The following BTBD16 variants were observed in gnomAD, a reference collection of about 807,000 sequenced individuals.
BTBD16 encodes BTB/POZ domain-containing protein 16.
Under a neutral mutation model 67.4 loss-of-function variants are expected in BTBD16, and 66 were observed. The ratio of observed to expected loss-of-function variants is 0.98; its 90% confidence interval spans 0.80 to 1.20. BTBD16 has a LOEUF of 1.20. BTBD16 is among the 50% of genes most tolerant of loss of function. BTBD16 has a pLI of 0.00. For missense variants in BTBD16, 634 were observed against 616.0 expected (o/e 1.03, Z -0.31); for synonymous variants, 242 against 236.4 (o/e 1.02, Z -0.22).
intron 11 of BTBD16, among the ~76,000 whole-genome samples, chr10:122,330,459 G>A (rs1242587329): frequency 6.6e-6 from 1 of 152,150 alleles, no homozygotes; most frequent in East Asian, 1.9e-4. Context: ...AAGGAGGACT[G>A]GTCAAAGCTG....
In BTBD16 at chr10:122,299,157, C is replaced by T. The variant is rs759459217; in HGVS notation, c.791+23C>T. On this transcript the variant is annotated intron_variant, in intron 9 of 15. Coordinates refer to ENST00000260723, the MANE Select transcript of BTBD16 (RefSeq NM_144587.5). ...CAGGTCAGAGCTGGCTCCCAGGGTG[C>T]GGCCCCTGAGAGGGGGATGGGAGAA... 3.5e-5 allele frequency: 57 copies of T among 1,610,506 alleles called. No homozygotes were observed. The Middle Eastern group carries it at 7.2e-4, about 20-fold the overall frequency.
rs2096341638 is a variant in BTBD16 at position 122,276,846 on chromosome 10, C to T, written c.74C>T (p.Pro25Leu). Residue 25 changes from proline to leucine, a missense_variant, in exon 3 of 16, where the codon CCC becomes CTC. Pro to Leu is a moderately conservative substitution (Grantham distance 98, BLOSUM62 -3). Coordinates refer to ENST00000260723, the MANE Select transcript of BTBD16 (RefSeq NM_144587.5). The part of the protein sequence containing the change: ...VTGSTNRWRL[P>L]KQPFSGDLLS... ...GGCTCAACCAACCGGTGGCGTTTGC[C>T]CAAACAGCCTTTCTCTGGGGACCTG... The T allele has an allele frequency of 6.2e-7, 1 of 1,614,108 alleles. No homozygotes were observed. The highest frequency in any genetic ancestry group is 1.1e-5 in the South Asian group (1 of 91,092).
chr10:122,276,176 T>C (rs898672480), intron 2 of BTBD16, among the ~76,000 whole-genome samples: 1 of 152,204 alleles, frequency 6.6e-6, no homozygotes, highest in Non-Finnish European at 1.5e-5. Context: ...TAGGGGCTAA[T>C]CTGAGAAAGC....
chr10:122,297,442 C>A (rs2096385358), intron 7 of BTBD16, among the ~76,000 whole-genome samples: 3 of 152,222 alleles, frequency 2.0e-5, no homozygotes, highest in Non-Finnish European at 4.4e-5. Context: ...AGGGGGATGA[C>A]CAGATGGCTA....
At chr10:122,311,645 C>T (rs73363930) in intron 10 of BTBD16, among the ~76,000 whole-genome samples, 1,838 of 152,250 alleles carry the variant, frequency 0.012, 26 homozygotes, top group African/African-American at 0.039. Context: ...TTTAAAAGAA[C>T]ATTTTAAAAT....
At chr10:122,293,592 C>A (rs1254721824) in intron 7 of BTBD16, among the ~76,000 whole-genome samples, 1 of 152,200 alleles carries the variant, frequency 6.6e-6, no homozygotes, top group East Asian at 1.9e-4. Flanking sequence ...GTCTTAGAAC[C>A]ATCTAAGGAA....
chr10:122,329,701 C>G, intron 11 of BTBD16, 130 bp downstream of exon 11: 1 of 729,848 alleles, frequency 1.4e-6, no homozygotes. Context: ...TTGTCACTTC[C>G]AAGCTGTGTG....
intron 10 of BTBD16, among the ~76,000 whole-genome samples, chr10:122,326,975 A>G (rs7916970): frequency 0.55 from 84,315 of 152,050 alleles, 23,754 homozygotes; most frequent in East Asian, 0.86. Context: ...GCTCCCTCCC[A>G]TCTTACGTGA....
rs750517195 is a variant in BTBD16 at position 122,299,028 on chromosome 10, G to C, written c.685G>C (p.Gly229Arg). ...CKYKEEQLTTGCEKWLEMNLV... is the reference protein window; with the variant it reads ...CKYKEEQLTTRCEKWLEMNLV... ...GTACAAGGAAGAGCAGCTCACCACC[G>C]GCTGCGAGAAGTGGCTGGAAATGAA... Residue 229 changes from glycine (G) to arginine (R), a missense_variant, in exon 9 of 16, where the codon GGC becomes CGC. Physicochemically the swap from Gly to Arg is moderately radical, Grantham distance 125. Coordinates refer to ENST00000260723, the MANE Select transcript of BTBD16 (RefSeq NM_144587.5). 1.2e-6 allele frequency: 2 copies of C among 1,613,976 alleles called. No individual in the cohort carries two copies. Among genetic ancestry groups the C allele is most frequent in the African/African-American group, 1.3e-5 (1 of 75,008 alleles).
intron 10 of BTBD16, among the ~76,000 whole-genome samples, chr10:122,308,385 G>A (rs1359709546): frequency 1.3e-5 from 2 of 152,026 alleles, no homozygotes; most frequent in African/African-American, 4.8e-5. Flanking sequence ...TTTTCTTTTC[G>A]AATCTACGTT....
At chr10:122,335,119 T>G in intron 14 of BTBD16, 140 bp downstream of exon 14, 1 of 524,862 alleles carries the variant, frequency 1.9e-6, no homozygotes, top group Non-Finnish European at 3.3e-6. Context: ...ACCACGCTCA[T>G]GTATGTGATG....
chr10:122,332,175 T>C, intron 12 of BTBD16: 1 of 419,726 alleles, frequency 2.4e-6, no homozygotes, highest in South Asian at 3.2e-5. Flanking sequence ...ATGCACACAT[T>C]TTATTTCCCA....
chr10:122,307,244 T>A lies in BTBD16; in HGVS notation c.847T>A (p.Leu283Met). The A allele has an allele frequency of 1.9e-6, 3 of 1,611,246 alleles. No individual in the cohort carries two copies. Among genetic ancestry groups the A allele is most frequent in the Non-Finnish European group, 2.5e-6 (3 of 1,179,212 alleles). Residue 283 changes from leucine to methionine, a missense_variant, in exon 10 of 16, where the codon TTG becomes ATG. Leu to Met is a conservative substitution (Grantham distance 15). Coordinates refer to ENST00000260723, the MANE Select transcript of BTBD16 (RefSeq NM_144587.5). ...LLKTMLLWVFLQLNYKIQAIP... is the reference protein window; with the variant it reads ...LLKTMLLWVFMQLNYKIQAIP... ...GAAAACAATGCTTTTGTGGGTCTTCTTGCAACTGAACTACAAGATTCAGGC... is the reference window on the plus strand; with the variant it reads ...GAAAACAATGCTTTTGTGGGTCTTCATGCAACTGAACTACAAGATTCAGGC...
intron 3 of BTBD16, among the ~76,000 whole-genome samples, chr10:122,282,338 G>A (rs2096354827): frequency 6.6e-6 from 1 of 152,214 alleles, no homozygotes; most frequent in Non-Finnish European, 1.5e-5. Context: ...TGCTCCTGTT[G>A]AATAAGCAAG....
At chr10:122,336,434 T>C in intron 14 of BTBD16, 60 bp from the exon 15 acceptor site, 1 of 1,446,600 alleles carries the variant, frequency 6.9e-7, no homozygotes, top group Non-Finnish European at 9.4e-7. Flanking sequence ...GCTCCAGCTT[T>C]CCCTAACTCT....
intron 10 of BTBD16, among the ~76,000 whole-genome samples, chr10:122,319,200 G>A (rs2096431415): frequency 6.6e-6 from 1 of 152,234 alleles, no homozygotes; most frequent in South Asian, 2.1e-4. Context: ...TCAAAATAGT[G>A]TAGTTTGAAT....
intron 10 of BTBD16, among the ~76,000 whole-genome samples, chr10:122,326,094 A>G (rs1025655161): frequency 6.6e-6 from 1 of 151,824 alleles, no homozygotes; most frequent in African/African-American, 2.4e-5. Flanking sequence ...TAAAATGTGT[A>G]TTTTTTTCAA....
intron 14 of BTBD16, 40 bp downstream of exon 14, chr10:122,335,019 T>C: frequency 1.0e-6 from 1 of 953,100 alleles, no homozygotes; most frequent in Non-Finnish European, 1.6e-6. Flanking sequence ...TCTGAGACAG[T>C]CTTTTAGAGT....
At chr10:122,285,642 C>T (rs1450840456) in intron 4 of BTBD16, among the ~76,000 whole-genome samples, 2 of 152,124 alleles carry the variant, frequency 1.3e-5, no homozygotes, top group African/African-American at 2.4e-5. Flanking sequence ...AGGGCTGCTA[C>T]TGGGGATCCA....
Sources: allele counts gnomAD v4.1 joint callset (sites outside exome capture counted in the v4.1 genomes callset), GRCh38; gene constraint gnomAD v4.1.1; transcripts MANE v1.5; gene names NCBI Gene and HGNC (gene_info 2026-07-23, HGNC 2026-07-21).